TLL2: variants seen among roughly 807,000 people sequenced by gnomAD.
The protein encoded by TLL2 is tolloid-like protein 2.
Under a neutral mutation model 123.0 loss-of-function variants are expected in TLL2, and 106 were observed. The observed-to-expected ratio is 0.86, with a 90% CI of 0.74 to 1.01. TLL2 has a LOEUF of 1.01. TLL2 is among the 50% of genes least tolerant of loss of function. TLL2 has a pLI of 0.00. For synonymous variants in TLL2, 494 were observed against 516.8 expected, an observed-to-expected ratio of 0.96 and a Z score of 0.60; for missense variants, 1,332 against 1,336.7, an observed-to-expected ratio of 1.00 and a Z score of 0.06.
At chr10:96,476,675 A>C (rs1160519208) in intron 2 of TLL2, among the ~76,000 whole-genome samples, 4 of 152,134 alleles carry the variant, frequency 2.6e-5, no homozygotes, top group Admixed American at 1.3e-4. Context: ...AACAATCTTC[A>C]CATTTATCTA....
In TLL2 at chr10:96,476,240, A is replaced by ATATATATATATATTTTTTTTTTTTTT; in HGVS notation, c.286+4108_286+4109insAAAAAAAAAAAAAATATATATATATA. On this transcript the variant is annotated intron_variant, in intron 2 of 20. Transcript: ENST00000357947. ...TTTATATGTATATATATATATATAT[A>ATATATATATATATTTTTTTTTTTTTT]TTTTATTTTTGTTGTTGTTGTTGTT... Among the ~76,000 whole-genome samples, 19 of 20,470 alleles carry ATATATATATATATTTTTTTTTTTTTT rather than the reference A, an allele frequency of 9.3e-4. 1 individual carries two copies. The highest frequency in any genetic ancestry group is 1.6e-3 in the Non-Finnish European group (16 of 9,986). 13.4% of individuals were successfully genotyped at this position (20,470 alleles called of 152,430 possible).
chr10:96,384,328 C>G (rs1846210302), intron 16 of TLL2, among the ~76,000 whole-genome samples: 1 of 152,172 alleles, frequency 6.6e-6, no homozygotes, highest in South Asian at 2.1e-4. Flanking sequence ...TTCTGGCCCC[C>G]AGAACTGTAA....
chr10:96,505,018 A>AAAATAAAT (rs149562540), intron 1 of TLL2, among the ~76,000 whole-genome samples: 136 of 151,732 alleles, frequency 9.0e-4, no homozygotes, highest in African/African-American at 2.7e-3. Context: ...AAAAAAATAA[A>AAAATAAAT]AAATAAATAA....
At chr10:96,422,852 G>T in intron 5 of TLL2, 125 bp from the exon 6 acceptor site, 1 of 1,180,626 alleles carries the variant, frequency 8.5e-7, no homozygotes, top group Non-Finnish European at 1.2e-6. Context: ...TTCAGGCCGG[G>T]TGCAGTGGCT....
chr10:96,489,606 A>T (rs569327709), intron 1 of TLL2, among the ~76,000 whole-genome samples: 1 of 152,184 alleles, frequency 6.6e-6, no homozygotes, highest in Non-Finnish European at 1.5e-5. Flanking sequence ...ACATGTGGTT[A>T]TTGGGCACTG....
At chr10:96,400,671 T>G (rs1363655300) in intron 10 of TLL2, among the ~76,000 whole-genome samples, 2 of 152,180 alleles carry the variant, frequency 1.3e-5, no homozygotes, top group Non-Finnish European at 2.9e-5. Context: ...TTTCTGAACT[T>G]CCCTCTCCCT....
At chr10:96,512,258 C>G (rs184445855) in intron 1 of TLL2, among the ~76,000 whole-genome samples, 1 of 152,212 alleles carries the variant, frequency 6.6e-6, no homozygotes, top group Non-Finnish European at 1.5e-5. Context: ...TCCCAACCCC[C>G]AGCCTAGACC....
intron 1 of TLL2, among the ~76,000 whole-genome samples, chr10:96,482,792 A>G (rs1847323829): frequency 6.6e-6 from 1 of 152,248 alleles, no homozygotes; most frequent in Non-Finnish European, 1.5e-5. Context: ...TACACTTACA[A>G]TAAGTGAATT....
chr10:96,476,241 T>TATATATATATATATATA lies in TLL2; in HGVS notation c.286+4107_286+4108insTATATATATATATATAT, dbSNP rs1554939631. 1.8e-3 allele frequency among the ~76,000 whole-genome samples: 133 copies of TATATATATATATATATA among 72,188 alleles called. 4 individuals carry two copies. The highest frequency in any genetic ancestry group is 8.8e-3 in the Middle Eastern group (1 of 114). 47.4% of individuals were successfully genotyped at this position (72,188 alleles called of 152,430 possible). A position where few individuals can be genotyped will look rare whatever the true frequency, so the allele number is the denominator to read the frequency against. On this transcript the variant is annotated intron_variant, in intron 2 of 20. Coordinates refer to ENST00000357947, the MANE Select transcript of TLL2 (RefSeq NM_012465.4). ...TTATATGTATATATATATATATATA[T>TATATATATATATATATA]TTTATTTTTGTTGTTGTTGTTGTTG...
At chr10:96,411,470 C>T (rs1199792187) in intron 8 of TLL2, among the ~76,000 whole-genome samples, 2 of 152,142 alleles carry the variant, frequency 1.3e-5, no homozygotes, top group South Asian at 2.1e-4. Context: ...GGCTATTCTG[C>T]CCTTGAATGT....
chr10:96,484,653 A>G (rs1847341230), intron 1 of TLL2, among the ~76,000 whole-genome samples: 1 of 150,916 alleles, frequency 6.6e-6, no homozygotes, highest in South Asian at 2.1e-4. Context: ...TTTTTTCTTC[A>G]ATAGATATAA....
In TLL2 at chr10:96,395,101, C is replaced by T. The variant is rs1033438193; in HGVS notation, c.1726+86G>A. On this transcript the variant is annotated intron_variant, in intron 13 of 20. Transcript: ENST00000357947. ...GCAGGGAGCCTTGTTTGGTGGTAAGCTTCCATATGGTTTTGTGTGTCTTAG... is the reference window on the plus strand; with the variant it reads ...GCAGGGAGCCTTGTTTGGTGGTAAGTTTCCATATGGTTTTGTGTGTCTTAG... 2.7e-5 allele frequency: 38 copies of T among 1,384,756 alleles called. No individual in the cohort carries two copies. In the African/African-American group the frequency reaches 4.8e-4, roughly 17 times the overall value. The allele number at this position is 1,384,756 out of a possible 1,614,324, so 85.8% of individuals were successfully genotyped here. A position where few individuals can be genotyped will look rare whatever the true frequency, so the allele number is the denominator to read the frequency against.
intron 1 of TLL2, among the ~76,000 whole-genome samples, chr10:96,503,046 T>A (rs1847549543): frequency 6.6e-6 from 1 of 152,178 alleles, no homozygotes. Context: ...AACCGTATTA[T>A]GAGCAGGCTG....
chr10:96,388,921 G>C (rs1043450286), intron 13 of TLL2, among the ~76,000 whole-genome samples: 11 of 152,338 alleles, frequency 7.2e-5, no homozygotes, highest in Non-Finnish European at 1.6e-4. Context: ...TGCTTATTAG[G>C]GGAGATTGCG....
intron 10 of TLL2, among the ~76,000 whole-genome samples, chr10:96,404,393 T>C (rs1208710184): frequency 6.6e-6 from 1 of 152,132 alleles, no homozygotes; most frequent in Non-Finnish European, 1.5e-5. Context: ...TACACGCTCA[T>C]CATAGAAAAA....
Position 96,386,203 on chromosome 10 carries a change from C to T in TLL2, c.1865G>A (p.Gly622Asp), listed in dbSNP as rs756139034. 2 of 1,596,236 alleles carry T rather than the reference C, an allele frequency of 1.3e-6. No individual in the cohort carries two copies. The highest frequency in any genetic ancestry group is 1.7e-6 in the Non-Finnish European group (2 of 1,170,582). The change falls in exon 15 of 21, where the codon GGT becomes GAT. Residue 622 changes from glycine (G) to aspartate (D), a missense_variant. Physicochemically the swap from Gly to Asp is moderately conservative, Grantham distance 94 (BLOSUM62 -1). Transcript: ENST00000357947. ...GGTTCCATTCAGCTTGGTAATGAAA[C>T]CGCCACAGGCCACTGCACGGGGGAA... is the stretch of plus-strand genomic sequence containing the variant. ...DKKMCEVACGGFITKLNGTIT... is the reference protein window; with the variant it reads ...DKKMCEVACGDFITKLNGTIT...
chr10:96,448,851 T>A (rs1158852233), intron 2 of TLL2, among the ~76,000 whole-genome samples: 3 of 152,120 alleles, frequency 2.0e-5, no homozygotes, highest in African/African-American at 2.4e-5. Flanking sequence ...GTGGAGGGTC[T>A]GGAGAATCTG....
chr10:96,482,741 T>C (rs1427334271), intron 1 of TLL2, among the ~76,000 whole-genome samples: 1 of 152,208 alleles, frequency 6.6e-6, no homozygotes, highest in Non-Finnish European at 1.5e-5. Flanking sequence ...AACTGGATTG[T>C]AGTTATGGTT....
chr10:96,445,648 G>A (rs1846891458), intron 3 of TLL2, among the ~76,000 whole-genome samples: 1 of 152,058 alleles, frequency 6.6e-6, no homozygotes, highest in Non-Finnish European at 1.5e-5. Flanking sequence ...AGGTCTTCAG[G>A]GGCTTCAACT....
Sources: gnomAD v4.1 joint callset for allele counts (sites outside exome capture counted in the v4.1 genomes callset) on GRCh38, gnomAD v4.1.1 for gene constraint, MANE v1.5 for transcripts, NCBI Gene and HGNC (gene_info 2026-07-23, HGNC 2026-07-21) for gene names.